The following SPDEF variants were observed in gnomAD, a reference collection of about 807,000 sequenced individuals.
SPDEF encodes the protein SAM pointed domain containing ETS transcription factor, also known as SAM pointed domain-containing Ets transcription factor.
A neutral mutation model predicts 36.0 loss-of-function variants in SPDEF; 12 were observed. The observed-to-expected ratio is 0.33, with a 90% CI of 0.21 to 0.54. The LOEUF (loss-of-function observed/expected upper bound fraction) is 0.54. Among genes scored for constraint, SPDEF ranks in the 20% least tolerant of loss-of-function variants. The probability of loss-of-function intolerance (pLI) is 0.93; values close to 1 mark genes in which losing one functional copy is unlikely to be tolerated. For missense variants in SPDEF, 388 were observed against 456.9 expected (o/e 0.85, Z 1.37); for synonymous variants, 205 against 193.0 (o/e 1.06, Z -0.51).
In SPDEF at chr6:34,552,837, C is replaced by T. The variant is rs544264195; in HGVS notation, c.-30+3092G>A. ...ATTAAGGGGTTATCAGGACCGGTTC[C>T]CACCTGTGAAGTGTCAGCAGAGACA... On this transcript the variant is annotated intron_variant, in intron 1 of 5. Transcript: ENST00000374037. This position sits in a 1 kb window ranked among gnomAD's most constrained non-coding sequence, Gnocchi z 4.6. Among the ~76,000 whole-genome samples, 1 of 152,208 alleles carries T rather than the reference C, an allele frequency of 6.6e-6. No homozygotes were observed. Among genetic ancestry groups the T allele is most frequent in the South Asian group, 2.1e-4 (1 of 4,826 alleles).
At chr6:34,551,970 C>T (rs981328512) in intron 1 of SPDEF, among the ~76,000 whole-genome samples, 13 of 152,214 alleles carry the variant, frequency 8.5e-5, no homozygotes, top group African/African-American at 3.1e-4. Flanking sequence ...TTCACGTCTT[C>T]CTTCAGCCCT....
rs188891025 is a variant in SPDEF at position 34,546,302 on chromosome 6, G to C, written c.-29-1818C>G. ...TGCTTTAAAGGTAACTGGCCAGTTG[G>C]GGGGAAGGCTTTAATCAAAGCACTG... On this transcript the variant is annotated intron_variant, in intron 1 of 5. Transcript: ENST00000374037. Among the ~76,000 whole-genome samples the C allele has an allele frequency of 3.3e-5, 5 of 152,242 alleles. No individual in the cohort carries two copies. The East Asian group carries it at 9.7e-4, about 29-fold the overall frequency.
At chr6:34,553,659 G>A (rs1351676289) in intron 1 of SPDEF, among the ~76,000 whole-genome samples, 14 of 152,220 alleles carry the variant, frequency 9.2e-5, no homozygotes, top group African/African-American at 3.4e-4. Flanking sequence ...CAGGTGAGGG[G>A]ATCAGCTGGA....
chr6:34,542,886 CAAAAAAAA>C (rs758431726), intron 2 of SPDEF, among the ~76,000 whole-genome samples: 2 of 53,562 alleles, frequency 3.7e-5, no homozygotes, highest in African/African-American at 6.5e-5. Flanking sequence ...GAGACCCTGT[CAAAAAAAA>C]AAAAAAAAAA....
chr6:34,539,146 T>C lies in SPDEF; in HGVS notation c.829+104A>G. On this transcript the variant is annotated intron_variant, in intron 5 of 5. Coordinates refer to ENST00000374037, the MANE Select transcript of SPDEF (RefSeq NM_012391.3). The surrounding 1 kb of genome is among the most constrained non-coding windows in gnomAD (Gnocchi z 5.2). ...ATCTAGGACAAAGGTGGGGATCAGC[T>C]TCACCCCTCTGCCCGCCCCTGCCCC... 1.5e-6 allele frequency: 2 copies of C among 1,371,474 alleles called. No homozygotes were observed. Among genetic ancestry groups the C allele is most frequent in the Non-Finnish European group, 1.0e-6 (1 of 994,178 alleles). The allele number at this position is 1,371,474 out of a possible 1,614,324, so 85.0% of individuals were successfully genotyped here. A position where few individuals can be genotyped will look rare whatever the true frequency, so the allele number is the denominator to read the frequency against.
intron 3 of SPDEF, 40 bp downstream of exon 3, chr6:34,540,944 G>A: frequency 6.3e-7 from 1 of 1,581,390 alleles, no homozygotes. Context: ...CCCTGGCTTG[G>A]AGCCTGGGAG....
chr6:34,539,153 C>T lies in SPDEF; in HGVS notation c.829+97G>A. On this transcript the variant is annotated intron_variant, in intron 5 of 5. Coordinates refer to ENST00000374037, the MANE Select transcript of SPDEF (RefSeq NM_012391.3). The surrounding 1 kb of genome is among the most constrained non-coding windows in gnomAD (Gnocchi z 5.2). ...ACAAAGGTGGGGATCAGCTTCACCC[C>T]TCTGCCCGCCCCTGCCCCCATGCAC... 1.4e-6 allele frequency: 2 copies of T among 1,436,786 alleles called. No homozygotes were observed. Among genetic ancestry groups the T allele is most frequent in the South Asian group, 1.3e-5 (1 of 78,300 alleles). The allele number at this position is 1,436,786 out of a possible 1,614,324, so 89.0% of individuals were successfully genotyped here. A position where few individuals can be genotyped will look rare whatever the true frequency, so the allele number is the denominator to read the frequency against.
chr6:34,544,539 C>T lies in SPDEF; in HGVS notation c.-29-55G>A, dbSNP rs1345286111. ...ACTGCTTCTCCATCCCTGTGGGGGC[C>T]GCTAAGCTGGTTATGGGGATGAGGG... On this transcript the variant is annotated intron_variant, in intron 1 of 5. Transcript: ENST00000374037. This position sits in a 1 kb window ranked among gnomAD's most constrained non-coding sequence, Gnocchi z 4.4. 6 of 1,379,552 alleles carry T rather than the reference C, an allele frequency of 4.3e-6. No individual in the cohort carries two copies. Among genetic ancestry groups the T allele is most frequent in the East Asian group, 5.1e-5 (2 of 39,340 alleles). The allele number at this position is 1,379,552 out of a possible 1,614,324, so 85.5% of individuals were successfully genotyped here. A position where few individuals can be genotyped will look rare whatever the true frequency, so the allele number is the denominator to read the frequency against.
chr6:34,554,752 C>A (rs1768130372), intron 1 of SPDEF, among the ~76,000 whole-genome samples: 2 of 152,246 alleles, frequency 1.3e-5, no homozygotes, highest in South Asian at 4.1e-4. Context: ...CCTGGGCCTG[C>A]CCGTCTGGTG....
intron 2 of SPDEF, among the ~76,000 whole-genome samples, chr6:34,541,784 C>A (rs1362015758): frequency 1.3e-5 from 2 of 152,254 alleles, no homozygotes; most frequent in African/African-American, 4.8e-5. Flanking sequence ...GGCCATGGGG[C>A]AGCCACAGGC....
intron 1 of SPDEF, among the ~76,000 whole-genome samples, chr6:34,545,801 A>C (rs1767939964): frequency 6.6e-6 from 1 of 152,078 alleles, no homozygotes; most frequent in African/African-American, 2.4e-5. Flanking sequence ...CTCCTGTCTC[A>C]GCTACTCGGG....
intron 1 of SPDEF, among the ~76,000 whole-genome samples, chr6:34,545,972 A>G (rs1767944925): frequency 6.6e-6 from 1 of 152,196 alleles, no homozygotes; most frequent in South Asian, 2.1e-4. Context: ...CAGAGGCAGA[A>G]GATTACCAAC....
chr6:34,540,431 G>C (rs542562293), intron 3 of SPDEF, among the ~76,000 whole-genome samples: 143 of 150,770 alleles, frequency 9.5e-4, no homozygotes, highest in African/African-American at 3.4e-3. Context: ...AAAAGAATAA[G>C]AACTGCATAT....
Position 34,544,313 on chromosome 6 carries a change from G to A in SPDEF, c.143C>T (p.Pro48Leu), listed in dbSNP as rs1477076142. The change falls in exon 2 of 6, where the codon CCC (proline) becomes CTC (leucine). Residue 48 changes from proline to leucine, a missense_variant. Around this residue, in one of 2 missense-constraint regions of SPDEF, gnomAD observed 308 missense variants for 326.1 expected, o/e 0.94. Transcript: ENST00000374037. This position sits in a 1 kb window ranked among gnomAD's most constrained non-coding sequence, Gnocchi z 4.4. The stretch of plus-strand genomic sequence containing the variant: ...GGACAGGCCCTGCTCGGGCGTGGCG[G>A]GTGGACTGGGACTCCAGTCCCGTCT... ...LERRDWSPSP[P>L]ATPEQGLSAF... 3 of 1,610,144 alleles carry A rather than the reference G, an allele frequency of 1.9e-6. No homozygotes were observed. The highest frequency in any genetic ancestry group is 2.7e-5 in the African/African-American group (2 of 74,930).
Position 34,539,174 on chromosome 6 carries a change from T to A in SPDEF, c.829+76A>T. ...ACCCCTCTGCCCGCCCCTGCCCCCA[T>A]GCACCGTGCCTGGCAGAAGCCCCCA... On this transcript the variant is annotated intron_variant, in intron 5 of 5. Transcript: ENST00000374037. This position sits in a 1 kb window ranked among gnomAD's most constrained non-coding sequence, Gnocchi z 5.2. The A allele has an allele frequency of 1.3e-6, 2 of 1,548,080 alleles. No individual in the cohort carries two copies. The highest frequency in any genetic ancestry group is 2.7e-5 in the African/African-American group (2 of 73,694).
chr6:34,544,678 G>A lies in SPDEF; in HGVS notation c.-29-194C>T, dbSNP rs1280686783. Among the ~76,000 whole-genome samples, 1 of 152,202 alleles carries A rather than the reference G, an allele frequency of 6.6e-6. No homozygotes were observed. The highest frequency in any genetic ancestry group is 1.5e-5 in the Non-Finnish European group (1 of 68,034). ...CTGGCTGGGAAAGACAGCGAGGTGGGAGTGGGTGCAGGACTAGAAATAGAT... is the reference window on the plus strand; with the variant it reads ...CTGGCTGGGAAAGACAGCGAGGTGGAAGTGGGTGCAGGACTAGAAATAGAT... On this transcript the variant is annotated intron_variant, in intron 1 of 5. Transcript: ENST00000374037. This position sits in a 1 kb window ranked among gnomAD's most constrained non-coding sequence, Gnocchi z 4.4.
intron 1 of SPDEF, among the ~76,000 whole-genome samples, chr6:34,553,489 G>A (rs1768106186): frequency 6.6e-6 from 1 of 152,158 alleles, no homozygotes; most frequent in Admixed American, 6.5e-5. Flanking sequence ...CTCTAGCTCT[G>A]GGGCTGGGGC....
Position 34,544,292 on chromosome 6 carries a change from A to C in SPDEF, c.164T>G (p.Leu55Arg), listed in dbSNP as rs1767897876. Residue 55 changes from leucine (L) to arginine (R), a missense_variant, in exon 2 of 6, where the codon CTG becomes CGG. Around this residue, in one of 2 missense-constraint regions of SPDEF, gnomAD observed 308 missense variants for 326.1 expected, o/e 0.94. Coordinates refer to ENST00000374037, the MANE Select transcript of SPDEF (RefSeq NM_012391.3). The surrounding 1 kb of genome is among the most constrained non-coding windows in gnomAD (Gnocchi z 4.4). ...PSPPATPEQG[L>R]SAFYLSYFDM... is the part of the protein sequence containing the mutation. ...AAAGTAGGAGAGGTAGAAGGCGGACAGGCCCTGCTCGGGCGTGGCGGGTGG... is the reference window on the plus strand; with the variant it reads ...AAAGTAGGAGAGGTAGAAGGCGGACCGGCCCTGCTCGGGCGTGGCGGGTGG... The C allele has an allele frequency of 6.2e-7, 1 of 1,613,198 alleles. No homozygotes were observed. Among genetic ancestry groups the C allele is most frequent in the African/African-American group, 1.3e-5 (1 of 74,938 alleles).
In SPDEF at chr6:34,539,181, T is replaced by A; in HGVS notation, c.829+69A>T. On this transcript the variant is annotated intron_variant, in intron 5 of 5. Transcript: ENST00000374037. The surrounding 1 kb of genome is among the most constrained non-coding windows in gnomAD (Gnocchi z 5.2). ...TGCCCGCCCCTGCCCCCATGCACCG[T>A]GCCTGGCAGAAGCCCCCACAACCTC... The A allele has an allele frequency of 1.3e-6, 2 of 1,571,072 alleles. No homozygotes were observed. The highest frequency in any genetic ancestry group is 3.4e-5 in the Admixed American group (2 of 58,516).
Sources: allele counts gnomAD v4.1 joint callset (sites outside exome capture counted in the v4.1 genomes callset), GRCh38; gene constraint gnomAD v4.1.1; regional missense constraint gnomAD v4.1.1; non-coding constraint Gnocchi (gnomAD v3.1); transcripts MANE v1.5; gene names NCBI Gene and HGNC (gene_info 2026-07-23, HGNC 2026-07-21).